The following RPTOR variants were observed in gnomAD, a reference collection of about 807,000 sequenced individuals.
RPTOR encodes regulatory associated protein of MTOR complex 1.
In RPTOR, 21 loss-of-function variants were observed where a neutral mutation model predicts 169.9. The ratio of observed to expected loss-of-function variants is 0.12; its 90% CI spans 0.09 to 0.18. The LOEUF is 0.18. RPTOR is among the 10% of genes least tolerant of loss of function. RPTOR has a pLI of 1.00. For missense variants in RPTOR, 1,133 were observed against 1,855.9 expected (o/e 0.61, Z 7.16); for synonymous variants, 732 against 753.2 (o/e 0.97, Z 0.46).
intron 17 of RPTOR, among the ~76,000 whole-genome samples, chr17:80,887,247 G>A (rs113921578): frequency 0.016 from 2,435 of 149,106 alleles, 67 homozygotes; most frequent in African/African-American, 0.057. Flanking sequence ...CAGCTCGGGG[G>A]GTGCGCTGGC....
intron 1 of RPTOR, among the ~76,000 whole-genome samples, chr17:80,611,713 T>C (rs2065272196): frequency 6.6e-6 from 1 of 152,008 alleles, no homozygotes; most frequent in Admixed American, 6.5e-5. Flanking sequence ...AGTTCGTCTA[T>C]ATTGAAATTT....
Position 80,651,618 on chromosome 17 carries a change from C to T in RPTOR, c.348+7808C>T, listed in dbSNP as rs1599635860. Among the ~76,000 whole-genome samples, 2 of 151,438 alleles carry T rather than the reference C, an allele frequency of 1.3e-5. No individual in the cohort carries two copies. Among genetic ancestry groups the T allele is most frequent in the African/African-American group, 4.9e-5 (2 of 41,150 alleles). ...CAACTTGGCTGGGCGCAGTGGCTCGCGCCTGTAATCCTAGCACTTTGGGAG... is the reference window on the plus strand; with the variant it reads ...CAACTTGGCTGGGCGCAGTGGCTCGTGCCTGTAATCCTAGCACTTTGGGAG... On this transcript the variant is annotated intron_variant, in intron 3 of 33. Transcript: ENST00000306801. This position sits in a 1 kb window ranked among gnomAD's most constrained non-coding sequence, Gnocchi z 4.1.
rs908453496 is a variant in RPTOR, at chr17:80,964,805, A to G, written c.*475A>G. The G allele has an allele frequency of 8.3e-6, 2 of 241,114 alleles. No individual in the cohort carries two copies. The highest frequency in any genetic ancestry group is 1.6e-4 in the South Asian group (1 of 6,326). The allele number at this position is 241,114 out of a possible 1,614,324, so 14.9% of individuals were successfully genotyped here. On this transcript the variant is annotated 3_prime_UTR_variant, in exon 34 of 34. Transcript: ENST00000306801. Reference sequence around the variant, plus strand: ...GAGAGGCGCTGCCCCAGCCAGGCCCACCACCTCTCACAGTCAGTGCACGCA... The same window carrying G: ...GAGAGGCGCTGCCCCAGCCAGGCCCGCCACCTCTCACAGTCAGTGCACGCA...
At chr17:80,902,850 C>G (rs2068493765) in intron 20 of RPTOR, among the ~76,000 whole-genome samples, 1 of 152,266 alleles carries the variant, frequency 6.6e-6, no homozygotes, top group East Asian at 1.9e-4. Context: ...CACCCGCCTT[C>G]CCTCCCGAAA....
At chr17:80,791,209 G>A (rs1326059096) in intron 6 of RPTOR, among the ~76,000 whole-genome samples, 2 of 152,062 alleles carry the variant, frequency 1.3e-5, no homozygotes, top group African/African-American at 2.4e-5. Flanking sequence ...GGCTGCAAAC[G>A]GCTTCTCTCC....
At chr17:80,921,726 G>C (rs1230752251) in intron 21 of RPTOR, among the ~76,000 whole-genome samples, 1 of 152,154 alleles carries the variant, frequency 6.6e-6, no homozygotes, top group Non-Finnish European at 1.5e-5. Context: ...ATCCACAGAC[G>C]GCTGGGTTGA....
At chr17:80,668,078 C>T (rs980204323) in intron 3 of RPTOR, among the ~76,000 whole-genome samples, 1 of 151,916 alleles carries the variant, frequency 6.6e-6, no homozygotes, top group Non-Finnish European at 1.5e-5. Context: ...TCTAACCTGC[C>T]CTGTTCTTCA....
chr17:80,799,324 C>T (rs987195678), intron 7 of RPTOR, among the ~76,000 whole-genome samples: 1 of 152,208 alleles, frequency 6.6e-6, no homozygotes, highest in African/African-American at 2.4e-5. Flanking sequence ...CTAGAACACA[C>T]GTGTGTGACA....
At chr17:80,685,602 C>CATATATATATATATAT (rs1164461444) in intron 3 of RPTOR, among the ~76,000 whole-genome samples, 22 of 34,492 alleles carry the variant, frequency 6.4e-4, no homozygotes, top group East Asian at 1.8e-3. Flanking sequence ...GGGCCATTTC[C>CATATATATATATATAT]ATATATATAT....
chr17:80,884,602 G>A (rs1047140386), intron 16 of RPTOR, among the ~76,000 whole-genome samples: 1 of 152,178 alleles, frequency 6.6e-6, no homozygotes, highest in African/African-American at 2.4e-5. Context: ...AGCCCTGTGT[G>A]CTCAGTGCAC....
intron 13 of RPTOR, among the ~76,000 whole-genome samples, chr17:80,874,801 C>T (rs759770950): frequency 2.0e-4 from 30 of 152,164 alleles, no homozygotes; most frequent in African/African-American, 6.5e-4. Context: ...GTAGCATCCT[C>T]ACGTTACGGT....
intron 4 of RPTOR, among the ~76,000 whole-genome samples, chr17:80,724,699 C>G (rs1345967504): frequency 6.6e-6 from 1 of 152,184 alleles, no homozygotes; most frequent in Admixed American, 6.5e-5. Context: ...GGTTGGGACA[C>G]CCCACCTGCC....
intron 9 of RPTOR, among the ~76,000 whole-genome samples, chr17:80,835,325 C>G (rs1388848343): frequency 6.6e-6 from 1 of 152,018 alleles, no homozygotes; most frequent in African/African-American, 2.4e-5. Context: ...AGAAAATATG[C>G]CCTTTGACAC....
At chr17:80,917,941 C>T (rs12937265) in intron 21 of RPTOR, among the ~76,000 whole-genome samples, 49,478 of 152,084 alleles carry the variant, frequency 0.33, 8,205 homozygotes, top group East Asian at 0.45. Flanking sequence ...CACGGGCGTG[C>T]ACACCCTCTG....
At chr17:80,766,059 T>C (rs1337212938) in intron 6 of RPTOR, among the ~76,000 whole-genome samples, 1 of 152,152 alleles carries the variant, frequency 6.6e-6, no homozygotes, top group Non-Finnish European at 1.5e-5. Flanking sequence ...AGCATGTACT[T>C]TTTAAATTTT....
rs545764351 is a variant in RPTOR, at chr17:80,926,060, G to A, written c.2919+580G>A. Among the ~76,000 whole-genome samples the A allele has an allele frequency of 1.3e-4, 20 of 152,294 alleles. No individual in the cohort carries two copies. In the East Asian group the frequency reaches 3.1e-3, roughly 24 times the overall value. On this transcript the variant is annotated intron_variant, in intron 24 of 33. Coordinates refer to ENST00000306801, the MANE Select transcript of RPTOR (RefSeq NM_020761.3). ...CTCTGCCAGGGCCCAGCAGGGACTC[G>A]TGGAGATTTTCTATAAATCTAAAGT...
At chr17:80,876,480 G>A (rs1469190714) in intron 13 of RPTOR, among the ~76,000 whole-genome samples, 2 of 3,402 alleles carry the variant, frequency 5.9e-4, no homozygotes, top group Non-Finnish European at 5.1e-4. Flanking sequence ...TGTGTGTGTC[G>A]CCTGCCGTGT....
At chr17:80,801,765 T>G (rs1159367889) in intron 7 of RPTOR, 1 of 152,160 alleles carries the variant, frequency 6.6e-6, no homozygotes, top group East Asian at 1.9e-4. Context: ...GACGCTGATT[T>G]AGAAATGAAG....
chr17:80,750,942 A>G lies in RPTOR; in HGVS notation c.655-3068A>G, dbSNP rs372773548. On this transcript the variant is annotated intron_variant, in intron 5 of 33. Coordinates refer to ENST00000306801, the MANE Select transcript of RPTOR (RefSeq NM_020761.3). ...CATAAAAAAAACCTCATTCCTCTAGAAATTGCAGTTTTTATTGAAAAAGTT... is the reference window on the plus strand; with the variant it reads ...CATAAAAAAAACCTCATTCCTCTAGGAATTGCAGTTTTTATTGAAAAAGTT... Among the ~76,000 whole-genome samples the G allele has an allele frequency of 3.3e-5, 5 of 152,190 alleles. No homozygotes were observed. The East Asian group carries it at 9.6e-4, about 29-fold the overall frequency.
Sources: allele counts gnomAD v4.1 joint callset (sites outside exome capture counted in the v4.1 genomes callset), GRCh38; gene constraint gnomAD v4.1.1; non-coding constraint Gnocchi (gnomAD v3.1); transcripts MANE v1.5; gene names NCBI Gene and HGNC (gene_info 2026-07-23, HGNC 2026-07-21).